The following CYP4X1 variants were observed in gnomAD, a reference collection of about 807,000 sequenced individuals.
CYP4X1 encodes cytochrome P450 family 4 subfamily X member 1, also known as cytochrome P450 4X1.
A neutral mutation model predicts 57.9 loss-of-function variants in CYP4X1; 44 were observed. That is an observed-to-expected ratio of 0.76 (90% confidence interval 0.60 to 0.98). The LOEUF is 0.98. Ranked by LOEUF, CYP4X1 falls within the 50% of genes least tolerant of loss-of-function variation. The pLI, the probability that CYP4X1 is intolerant of heterozygous loss-of-function variation, is 0.00. For missense variants in CYP4X1, 532 were observed against 623.9 expected (o/e 0.85, Z 1.57); for synonymous variants, 227 against 228.6 (o/e 0.99, Z 0.06).
chr1:47,012,110 G>A, the CYP4X1 span, among the ~76,000 whole-genome samples: 4 of 152,318 alleles, frequency 2.6e-5, no homozygotes, highest in South Asian at 2.1e-4. Context: ...ACATGCACAT[G>A]TATGCTTATT....
At chr1:47,018,509 T>A in the CYP4X1 span, among the ~76,000 whole-genome samples, 1 of 152,014 alleles carries the variant, frequency 6.6e-6, no homozygotes, top group East Asian at 1.9e-4. Context: ...TGAGATGGGG[T>A]GTAGTGATCT....
chr1:46,964,043 T>C, the CYP4X1 span, among the ~76,000 whole-genome samples: 1 of 152,266 alleles, frequency 6.6e-6, no homozygotes, highest in African/African-American at 2.4e-5. Context: ...AATCGGCTAC[T>C]GAGGCTTATG....
the CYP4X1 span, chr1:46,967,766 C>T: frequency 2.0e-3 from 2,645 of 1,330,220 alleles, 14 homozygotes; most frequent in Non-Finnish European, 2.3e-3. Flanking sequence ...CATGGTATGC[C>T]GACCGGGATC....
chr1:47,015,303 T>G, the CYP4X1 span, among the ~76,000 whole-genome samples: 1 of 152,244 alleles, frequency 6.6e-6, no homozygotes. Flanking sequence ...TGGAACCATG[T>G]GCTAGTGGCC....
chr1:47,016,447 T>C, the CYP4X1 span, among the ~76,000 whole-genome samples: 1 of 152,050 alleles, frequency 6.6e-6, no homozygotes, highest in African/African-American at 2.4e-5. Context: ...GTTCACGCCA[T>C]TCTCCTGTCT....
Position 47,049,346 on chromosome 1 carries a change from T to A in CYP4X1, c.1273-76T>A, listed in dbSNP as rs1014037309. The A allele has an allele frequency of 4.4e-5, 46 of 1,038,418 alleles. No homozygotes were observed. The South Asian group carries it at 6.2e-4, about 14-fold the overall frequency. The allele number at this position is 1,038,418 out of a possible 1,614,324, so 64.3% of individuals were successfully genotyped here. On this transcript the variant is annotated intron_variant, in intron 10 of 11. Coordinates refer to ENST00000371901, the MANE Select transcript of CYP4X1 (RefSeq NM_178033.2). ...GTAGATCACATTATATTTCTATTGATCGGTGCTAGGTGGTAGGTGAAGAAA... is the reference window on the plus strand; with the variant it reads ...GTAGATCACATTATATTTCTATTGAACGGTGCTAGGTGGTAGGTGAAGAAA...
At chr1:47,001,725 T>A in the CYP4X1 span, among the ~76,000 whole-genome samples, 3 of 152,246 alleles carry the variant, frequency 2.0e-5, no homozygotes, top group Non-Finnish European at 2.9e-5. Flanking sequence ...ACTTTCTGGA[T>A]CCCTGCTTCT....
upstream of CYP4X1, among the ~76,000 whole-genome samples, chr1:47,020,214 T>C (rs1448029584): frequency 6.6e-6 from 1 of 152,216 alleles, no homozygotes; most frequent in African/African-American, 2.4e-5. Context: ...TGCCCTTTCC[T>C]ACTTCGTCCA....
rs1233466234 is a variant in CYP4X1, at chr1:47,036,089, G to A, written c.693G>A (p.Leu231=). 1.2e-6 allele frequency: 2 copies of A among 1,613,726 alleles called. No individual in the cohort carries two copies. The highest frequency in any genetic ancestry group is 2.2e-5 in the East Asian group (1 of 44,866). Reference sequence around the variant, plus strand: ...TATTTCACCGCTTGTACAGTTTGTTGTATCACAGTGACATAATTTTCAAAC... The same window carrying A: ...TATTTCACCGCTTGTACAGTTTGTTATATCACAGTGACATAATTTTCAAAC... ...KIIFHRLYSL[L]YHSDIIFKLS... The change falls in exon 6 of 12, where the codon TTG becomes TTA. Residue 231 remains leucine (L), a synonymous_variant. Coordinates refer to ENST00000371901, the MANE Select transcript of CYP4X1 (RefSeq NM_178033.2).
At chr1:47,054,560 G>A (rs560531678), downstream of CYP4X1, among the ~76,000 whole-genome samples, 12 of 151,934 alleles carry the variant, frequency 7.9e-5, no homozygotes, top group African/African-American at 2.2e-4. Flanking sequence ...AGCATGGAAT[G>A]TTCTTCCATT....
chr1:47,037,208 C>A (rs998162826), intron 6 of CYP4X1, among the ~76,000 whole-genome samples: 1 of 150,274 alleles, frequency 6.7e-6, no homozygotes, highest in East Asian at 1.9e-4. Flanking sequence ...GATGAAAAAG[C>A]AAAATGCAAA....
chr1:47,039,235 C>A (rs1644218452), intron 7 of CYP4X1, 107 bp from the exon 8 acceptor site: 1 of 985,364 alleles, frequency 1.0e-6, no homozygotes, highest in Non-Finnish European at 1.5e-6. Flanking sequence ...AAAATTTAAA[C>A]CCCTATTTAA....
rs1179627632 is a variant in CYP4X1, at chr1:47,049,629, C to A, written c.1355+125C>A. 4.7e-6 allele frequency: 4 copies of A among 850,306 alleles called. No individual in the cohort carries two copies. In the African/African-American group the frequency reaches 5.0e-5, roughly 11 times the overall value. 52.7% of individuals were successfully genotyped at this position (850,306 alleles called of 1,614,324 possible). On this transcript the variant is annotated intron_variant, in intron 11 of 11. Transcript: ENST00000371901. ...CGTAGATCTTGGTGCCTATTTGAGCCCCAAAGGATCAGTTAGTTTTACAAA... is the reference window on the plus strand; with the variant it reads ...CGTAGATCTTGGTGCCTATTTGAGCACCAAAGGATCAGTTAGTTTTACAAA...
At chr1:47,000,321 T>A in the CYP4X1 span, among the ~76,000 whole-genome samples, 17 of 152,088 alleles carry the variant, frequency 1.1e-4, no homozygotes, top group Non-Finnish European at 2.4e-4. Context: ...GAAACCTTCT[T>A]TTGTTATAAA....
downstream of CYP4X1, among the ~76,000 whole-genome samples, chr1:47,053,700 G>T (rs1262686193): frequency 3.9e-5 from 6 of 152,266 alleles, no homozygotes; most frequent in East Asian, 1.9e-4. Context: ...GTGTCTTTTG[G>T]CTGCATAAAT....
At chr1:46,997,669 T>C in the CYP4X1 span, among the ~76,000 whole-genome samples, 1 of 152,232 alleles carries the variant, frequency 6.6e-6, no homozygotes, top group South Asian at 2.1e-4. Flanking sequence ...GCCGTAAACA[T>C]ACATGTGTCT....
the CYP4X1 span, among the ~76,000 whole-genome samples, chr1:46,977,094 G>A: frequency 6.6e-6 from 1 of 152,172 alleles, no homozygotes; most frequent in Non-Finnish European, 1.5e-5. Flanking sequence ...CTCCTCACTA[G>A]TAATGGAACA....
chr1:47,053,006 G>A (rs1644369039), downstream of CYP4X1, among the ~76,000 whole-genome samples: 1 of 152,022 alleles, frequency 6.6e-6, no homozygotes, highest in Non-Finnish European at 1.5e-5. Flanking sequence ...CCATGTTGGT[G>A]TGCTGCACCC....
the CYP4X1 span, among the ~76,000 whole-genome samples, chr1:46,993,995 A>T: frequency 2.0e-5 from 3 of 152,180 alleles, no homozygotes; most frequent in South Asian, 2.1e-4. Flanking sequence ...TTAGACATGA[A>T]GTCCTTGCCC....
Sources: gnomAD v4.1 joint callset for allele counts (sites outside exome capture counted in the v4.1 genomes callset) on GRCh38, gnomAD v4.1.1 for gene constraint, MANE v1.5 for transcripts, NCBI Gene and HGNC (gene_info 2026-07-23, HGNC 2026-07-21) for gene names.